The following SAMSN1 variants were observed in gnomAD, a reference collection of about 807,000 sequenced individuals.
SAMSN1 encodes the protein SAM domain, SH3 domain and nuclear localization signals 1.
A neutral mutation model predicts 42.0 loss-of-function variants in SAMSN1; 31 were observed. The ratio of observed to expected loss-of-function variants is 0.74; its 90% CI spans 0.55 to 1.00. The LOEUF (loss-of-function observed/expected upper bound fraction) is 1.00. Among genes scored for constraint, SAMSN1 ranks in the 50% least tolerant of loss-of-function variants. The pLI, the probability that SAMSN1 is intolerant of heterozygous loss-of-function variation, is 0.00. For missense variants in SAMSN1, 464 were observed against 439.4 expected (o/e 1.06, Z -0.50); for synonymous variants, 178 against 151.9 (o/e 1.17, Z -1.26).
chr21:14,651,389 C>T (rs1258034444), intron 1 of SAMSN1, among the ~76,000 whole-genome samples: 3 of 151,962 alleles, frequency 2.0e-5, no homozygotes, highest in Non-Finnish European at 4.4e-5. Flanking sequence ...ATATTCAAAT[C>T]AATCAGTATG....
chr21:14,528,029 C>T (rs1461331957), intron 1 of SAMSN1, among the ~76,000 whole-genome samples: 4 of 151,978 alleles, frequency 2.6e-5, no homozygotes, highest in Non-Finnish European at 4.4e-5. Flanking sequence ...TTAAATAATA[C>T]TGTTACATGT....
intron 2 of SAMSN1, among the ~76,000 whole-genome samples, chr21:14,552,529 A>C (rs1030319707): frequency 6.6e-6 from 1 of 152,124 alleles, no homozygotes; most frequent in Non-Finnish European, 1.5e-5. Flanking sequence ...CATAGCAAGA[A>C]GGTGCCATCT....
intron 3 of SAMSN1, among the ~76,000 whole-genome samples, chr21:14,516,581 G>T (rs35447186): frequency 6.6e-6 from 1 of 151,828 alleles, no homozygotes; most frequent in African/African-American, 2.4e-5. Flanking sequence ...TAGTAGAGAC[G>T]GGGTTTCACC....
intron 1 of SAMSN1, among the ~76,000 whole-genome samples, chr21:14,651,642 A>T (rs139761128): frequency 8.0e-4 from 121 of 152,126 alleles, no homozygotes; most frequent in African/African-American, 2.7e-3. Flanking sequence ...CTGGCTCACC[A>T]GTGTTATTCC....
chr21:14,543,437 TAA>T (rs368646230), intron 1 of SAMSN1, among the ~76,000 whole-genome samples: 80 of 152,316 alleles, frequency 5.3e-4, no homozygotes, highest in African/African-American at 1.9e-3. Context: ...TGTTTATCGA[TAA>T]GTTTTAGGAA....
chr21:14,593,854 G>A, intron 7 of SAMSN1: 2 of 478,672 alleles, frequency 4.2e-6, no homozygotes, highest in Non-Finnish European at 7.5e-6. Context: ...CACTCAGTAA[G>A]GACAAGCCTC....
intron 2 of SAMSN1, among the ~76,000 whole-genome samples, chr21:14,564,720 C>T (rs995143512): frequency 6.6e-6 from 1 of 152,186 alleles, no homozygotes; most frequent in African/African-American, 2.4e-5. Context: ...TTCTCTTCCT[C>T]TGGTTTCTTT....
At chr21:14,530,197 G>T (rs1979158477) in intron 1 of SAMSN1, among the ~76,000 whole-genome samples, 1 of 151,562 alleles carries the variant, frequency 6.6e-6, no homozygotes, top group African/African-American at 2.4e-5. Context: ...GGTGCCTGTA[G>T]TCCCAGCTAC....
chr21:14,490,990 G>A (rs1214077565), intron 7 of SAMSN1, among the ~76,000 whole-genome samples: 1 of 152,156 alleles, frequency 6.6e-6, no homozygotes, highest in Non-Finnish European at 1.5e-5. Context: ...CCATATGGAG[G>A]GCTTTGGTCC....
At chr21:14,640,449 G>A (rs1983567134) in intron 2 of SAMSN1, among the ~76,000 whole-genome samples, 1 of 152,008 alleles carries the variant, frequency 6.6e-6, no homozygotes, top group Non-Finnish European at 1.5e-5. Flanking sequence ...GAGTATTTCT[G>A]AGGAACCAGT....
chr21:14,499,135 CA>C (rs1248215620), intron 6 of SAMSN1, among the ~76,000 whole-genome samples: 1 of 151,970 alleles, frequency 6.6e-6, no homozygotes, highest in Admixed American at 6.6e-5. Context: ...TTATGTAAAC[CA>C]AAAGAATTGG....
At chr21:14,597,322 C>T (rs1028159423) in intron 6 of SAMSN1, among the ~76,000 whole-genome samples, 15 of 152,066 alleles carry the variant, frequency 9.9e-5, no homozygotes, top group South Asian at 2.1e-4. Context: ...CCATTCTACA[C>T]GCATCTCCCA....
chr21:14,653,441 AATCAAAAC>A (rs1363474133), intron 1 of SAMSN1, among the ~76,000 whole-genome samples: 1 of 152,042 alleles, frequency 6.6e-6, no homozygotes, highest in Non-Finnish European at 1.5e-5. Context: ...GGAATCTAAA[AATCAAAAC>A]AATTGAACTT....
At chr21:14,549,436 T>G (rs146384839), upstream of SAMSN1, among the ~76,000 whole-genome samples, 34 of 152,276 alleles carry the variant, frequency 2.2e-4, no homozygotes, top group African/African-American at 7.9e-4. Flanking sequence ...TCTGCATTGC[T>G]CTAATAGTTA....
chr21:14,541,706 A>T (rs1266236593), intron 1 of SAMSN1, among the ~76,000 whole-genome samples: 1 of 152,200 alleles, frequency 6.6e-6, no homozygotes, highest in Admixed American at 6.6e-5. Flanking sequence ...CTACGTTGAA[A>T]GTATTATGCT....
At chr21:14,633,807 A>C (rs1983392037) in intron 2 of SAMSN1, among the ~76,000 whole-genome samples, 1 of 152,194 alleles carries the variant, frequency 6.6e-6, no homozygotes, top group South Asian at 2.1e-4. Flanking sequence ...AAATAGAACA[A>C]AACTAACTAG....
At chr21:14,493,063 C>T (rs1412846172) in intron 7 of SAMSN1, among the ~76,000 whole-genome samples, 3 of 152,162 alleles carry the variant, frequency 2.0e-5, no homozygotes, top group Admixed American at 6.5e-5. Context: ...GCTGACAGCT[C>T]GTGTTCCAGG....
intron 6 of SAMSN1, among the ~76,000 whole-genome samples, chr21:14,498,977 G>C (rs954010290): frequency 6.6e-6 from 1 of 152,202 alleles, no homozygotes. Context: ...GCATGCTACA[G>C]CAATATTTCA....
chr21:14,570,667 C>A (rs1218004334), intron 2 of SAMSN1, among the ~76,000 whole-genome samples: 3 of 152,110 alleles, frequency 2.0e-5, no homozygotes, highest in Non-Finnish European at 4.4e-5. Context: ...ATCCTATGAG[C>A]CTGAGAGCTT....
Sources: allele counts gnomAD v4.1 joint callset (sites outside exome capture counted in the v4.1 genomes callset), GRCh38; gene constraint gnomAD v4.1.1; transcripts MANE v1.5; gene names NCBI Gene and HGNC (gene_info 2026-07-23, HGNC 2026-07-21).